The following LMX1A variants were observed in gnomAD, a reference collection of about 807,000 sequenced individuals.
The protein encoded by LMX1A is LIM homeobox transcription factor 1 alpha, also known as LIM homeobox transcription factor 1-alpha.
Under a neutral mutation model 49.1 loss-of-function variants are expected in LMX1A, and 15 were observed. The ratio of observed to expected loss-of-function variants is 0.31; its 90% CI spans 0.20 to 0.47. The LOEUF (loss-of-function observed/expected upper bound fraction) is 0.47, where lower values mean the gene tolerates loss of function less well. Ranked by LOEUF, LMX1A falls within the 20% of genes least tolerant of loss-of-function variation. The pLI is 1.00. For missense variants in LMX1A, 372 were observed against 475.8 expected (o/e 0.78, Z 2.03); for synonymous variants, 167 against 185.7 (o/e 0.90, Z 0.82).
At chr1:165,346,637 T>A (rs1656253391) in intron 3 of LMX1A, among the ~76,000 whole-genome samples, 1 of 152,220 alleles carries the variant, frequency 6.6e-6, no homozygotes, top group Non-Finnish European at 1.5e-5. Context: ...AGGAAACCGA[T>A]GAAGGGCCGC....
At position 165,203,676 on chromosome 1, in the gene LMX1A, T is replaced by A. The variant is rs1165759870; in HGVS notation, c.*204A>T. ...TTCATATCTAATGCTAAGACTCTTA[T>A]TAGAAACATTAAACTATGCAATCCA... On this transcript the variant is annotated 3_prime_UTR_variant, in exon 9 of 9. Coordinates refer to ENST00000342310, the MANE Select transcript of LMX1A (RefSeq NM_177398.4). 1 of 461,002 alleles carries A rather than the reference T, an allele frequency of 2.2e-6. No homozygotes were observed. Among genetic ancestry groups the A allele is most frequent in the Non-Finnish European group, 3.9e-6 (1 of 255,876 alleles). 28.6% of individuals were successfully genotyped at this position (461,002 alleles called of 1,614,324 possible).
intron 6 of LMX1A, among the ~76,000 whole-genome samples, chr1:165,210,285 G>A (rs1651321830): frequency 6.6e-6 from 1 of 152,176 alleles, no homozygotes; most frequent in Non-Finnish European, 1.5e-5. Context: ...GCTGGGCCCT[G>A]GGAGAAGTAA....
At chr1:165,316,666 C>T (rs527480653) in intron 3 of LMX1A, among the ~76,000 whole-genome samples, 6 of 152,298 alleles carry the variant, frequency 3.9e-5, no homozygotes, top group East Asian at 1.9e-4. Context: ...AGTTAACATG[C>T]CCTCATTTTC....
At chr1:165,267,281 C>T (rs1653656233) in intron 3 of LMX1A, among the ~76,000 whole-genome samples, 1 of 152,148 alleles carries the variant, frequency 6.6e-6, no homozygotes, top group Admixed American at 6.5e-5. Context: ...TATCTTCTTT[C>T]ACTTAGCACA....
chr1:165,270,112 G>A (rs1348838728), intron 3 of LMX1A, among the ~76,000 whole-genome samples: 1 of 152,138 alleles, frequency 6.6e-6, no homozygotes, highest in African/African-American at 2.4e-5. Context: ...TGGTAGCCAT[G>A]AGCCAAGTTT....
chr1:165,322,437 A>C (rs1655444502), intron 3 of LMX1A, among the ~76,000 whole-genome samples: 1 of 152,202 alleles, frequency 6.6e-6, no homozygotes, highest in South Asian at 2.1e-4. Flanking sequence ...TGTCTACCAA[A>C]TGATGAATGA....
chr1:165,326,810 C>T (rs1655595116), intron 3 of LMX1A, among the ~76,000 whole-genome samples: 1 of 152,124 alleles, frequency 6.6e-6, no homozygotes, highest in African/African-American at 2.4e-5. Flanking sequence ...CCTGTGATCC[C>T]CAACTAGGAG....
chr1:165,291,882 T>C (rs1654476735), intron 3 of LMX1A, among the ~76,000 whole-genome samples: 2 of 151,686 alleles, frequency 1.3e-5, no homozygotes, highest in Admixed American at 6.6e-5. Flanking sequence ...GCTAACACGG[T>C]GAAACCCCGT....
intron 3 of LMX1A, among the ~76,000 whole-genome samples, chr1:165,352,763 A>G (rs192307829): frequency 8.3e-4 from 127 of 152,366 alleles, no homozygotes; most frequent in African/African-American, 2.7e-3. Context: ...AGGCTAACAA[A>G]GAGTGGCCTC....
rs139747389 is a variant in LMX1A at position 165,321,600 on chromosome 1, T to C, written c.263+31476A>G. ...ACCCACCATGCCTTACCTCACACCATATAAAACATCAACACAAAATGGACC... is the reference window on the plus strand; with the variant it reads ...ACCCACCATGCCTTACCTCACACCACATAAAACATCAACACAAAATGGACC... On this transcript the variant is annotated intron_variant, in intron 3 of 8. Coordinates refer to ENST00000342310, the MANE Select transcript of LMX1A (RefSeq NM_177398.4). Among the ~76,000 whole-genome samples, 504 of 152,242 alleles carry C rather than the reference T, an allele frequency of 3.3e-3. 2 individuals carry two copies. Among genetic ancestry groups the C allele is most frequent in the African/African-American group, 0.012 (489 of 41,556 alleles).
rs116395401 is a variant in LMX1A, at chr1:165,347,491, T to C, written c.263+5585A>G. ...CCTATATCTCACCCTCCAAGTGGCTTATATGGGAACTTCTCTCTGAAGATG... is the reference window on the plus strand; with the variant it reads ...CCTATATCTCACCCTCCAAGTGGCTCATATGGGAACTTCTCTCTGAAGATG... On this transcript the variant is annotated intron_variant, in intron 3 of 8. Coordinates refer to ENST00000342310, the MANE Select transcript of LMX1A (RefSeq NM_177398.4). Among the ~76,000 whole-genome samples the C allele has an allele frequency of 3.2e-3, 480 of 152,308 alleles. 7 individuals are homozygous for C. The highest frequency in any genetic ancestry group is 0.011 in the African/African-American group (459 of 41,562).
At chr1:165,236,015 C>G (rs575109910) in intron 4 of LMX1A, among the ~76,000 whole-genome samples, 8 of 152,228 alleles carry the variant, frequency 5.3e-5, no homozygotes, top group South Asian at 2.1e-4. Flanking sequence ...CAGCCCGGCC[C>G]GAGCCGGCCC....
At chr1:165,333,132 A>G (rs1655797488) in intron 3 of LMX1A, among the ~76,000 whole-genome samples, 1 of 151,944 alleles carries the variant, frequency 6.6e-6, no homozygotes, top group African/African-American at 2.4e-5. Context: ...CTTTATTCTT[A>G]CCTCTTTGCC....
intron 3 of LMX1A, among the ~76,000 whole-genome samples, chr1:165,314,866 C>T (rs530514207): frequency 2.4e-4 from 37 of 152,172 alleles, no homozygotes; most frequent in African/African-American, 3.6e-4. Context: ...CAGATAGTGG[C>T]GGATGGCTTC....
intron 3 of LMX1A, among the ~76,000 whole-genome samples, chr1:165,256,240 T>G (rs1653239431): frequency 6.6e-6 from 1 of 152,108 alleles, no homozygotes; most frequent in African/African-American, 2.4e-5. Context: ...GGTGAGGTGT[T>G]GGGGAAAGAA....
intron 3 of LMX1A, among the ~76,000 whole-genome samples, chr1:165,318,550 A>G (rs1655287530): frequency 6.6e-6 from 1 of 152,292 alleles, no homozygotes; most frequent in South Asian, 2.1e-4. Flanking sequence ...CCCAGCTCAC[A>G]TCCTCAGGCC....
chr1:165,348,803 T>G (rs764024746), intron 3 of LMX1A, among the ~76,000 whole-genome samples: 1 of 152,200 alleles, frequency 6.6e-6, no homozygotes, highest in Non-Finnish European at 1.5e-5. Flanking sequence ...TATCATTACC[T>G]AAGTCGTTTT....
chr1:165,298,192 G>A (rs1654671099), intron 3 of LMX1A, among the ~76,000 whole-genome samples: 1 of 152,256 alleles, frequency 6.6e-6, no homozygotes, highest in Non-Finnish European at 1.5e-5. Flanking sequence ...CAGCGCCTCA[G>A]TGCAGGTGTG....
At chr1:165,250,104 T>C (rs1653003534) in intron 3 of LMX1A, among the ~76,000 whole-genome samples, 1 of 151,822 alleles carries the variant, frequency 6.6e-6, no homozygotes, top group Non-Finnish European at 1.5e-5. Context: ...AGGGAGAGCA[T>C]TAGGAAAAAT....
Sources: allele counts gnomAD v4.1 joint callset (sites outside exome capture counted in the v4.1 genomes callset), GRCh38; gene constraint gnomAD v4.1.1; transcripts MANE v1.5; gene names NCBI Gene and HGNC (gene_info 2026-07-23, HGNC 2026-07-21).